The following TAOK2 variants were observed in gnomAD, a reference collection of about 807,000 sequenced individuals.
TAOK2 encodes serine/threonine-protein kinase TAO2.
TAOK2 carries 42 observed loss-of-function variants against 122.5 expected under a neutral mutation model. The ratio of observed to expected loss-of-function variants is 0.34; its 90% CI spans 0.27 to 0.44. The LOEUF is 0.44. Among genes scored for constraint, TAOK2 ranks in the 20% least tolerant of loss-of-function variants. TAOK2 has a pLI of 1.00. For synonymous variants in TAOK2, 704 were observed against 677.6 expected, an observed-to-expected ratio of 1.04 and a Z score of -0.61; for missense variants, 1,264 against 1,644.9, an observed-to-expected ratio of 0.77 and a Z score of 4.01.
In TAOK2 at chr16:29,978,147, A is replaced by G; in HGVS notation, c.191A>G (p.Lys64Arg). 2 of 1,614,142 alleles carry G rather than the reference A, an allele frequency of 1.2e-6. No individual in the cohort carries two copies. Among genetic ancestry groups the G allele is most frequent in the Middle Eastern group, 1.6e-4 (1 of 6,062 alleles). The change falls in exon 3 of 16, where the codon AAG becomes AGG. Residue 64 changes from lysine to arginine, a missense_variant. Coordinates refer to ENST00000308893, the MANE Select transcript of TAOK2 (RefSeq NM_016151.4). ...VAIKKMSYSG[K>R]QSNEKWQDII... ...ATCAAGAAGATGTCCTACAGTGGGAAGCAGTCCAATGAGGTGGGCCAGGTG... is the reference window on the plus strand; with the variant it reads ...ATCAAGAAGATGTCCTACAGTGGGAGGCAGTCCAATGAGGTGGGCCAGGTG...
At position 29,986,626 on chromosome 16, in the gene TAOK2, A is replaced by T; in HGVS notation, c.2354A>T (p.Asp785Val). 1 of 1,612,154 alleles carries T rather than the reference A, an allele frequency of 6.2e-7. No homozygotes were observed. Among genetic ancestry groups the T allele is most frequent in the South Asian group, 1.1e-5 (1 of 90,830 alleles). Reference protein sequence around the residue: ...PCSPGQEAVLDQRMLGEEEEA... With the variant: ...PCSPGQEAVLVQRMLGEEEEA... ...TCACCTGGCCAGGAGGCAGTCCTGG[A>T]CCAAAGAATGCTTGGCGAGGAGGAG... Residue 785 changes from aspartate to valine, a missense_variant, in exon 16 of 16, where the codon GAC becomes GTC. This residue lies in a region of TAOK2 where 824 missense variants were observed against 908.7 expected (regional missense o/e 0.91). Transcript: ENST00000308893. The surrounding 1 kb of genome is among the most constrained non-coding windows in gnomAD (Gnocchi z 4.2).
chr16:29,979,025 C>T lies in TAOK2; in HGVS notation c.404C>T (p.Ala135Val). Residue 135 changes from alanine (A) to valine (V), a missense_variant, in exon 6 of 16, where the codon GCG becomes GTG. Ala to Val is a moderately conservative substitution (Grantham distance 64). This residue lies in a region of TAOK2 where 254 missense variants were observed against 503.8 expected (regional missense o/e 0.50). Coordinates refer to ENST00000308893, the MANE Select transcript of TAOK2 (RefSeq NM_016151.4). This position sits in a 1 kb window ranked among gnomAD's most constrained non-coding sequence, Gnocchi z 4.1. ...GAGATCGCAGCTGTGACCCACGGGG[C>T]GCTTCAGGGCCTGGCATATCTGCAC... The part of the protein sequence containing the change: ...EVEIAAVTHG[A>V]LQGLAYLHSH... 1.2e-6 allele frequency: 2 copies of T among 1,614,150 alleles called. No individual in the cohort carries two copies. The highest frequency in any genetic ancestry group is 1.7e-6 in the Non-Finnish European group (2 of 1,180,032).
At chr16:29,975,888 G>C (rs1222171806) in intron 1 of TAOK2, among the ~76,000 whole-genome samples, 2 of 152,176 alleles carry the variant, frequency 1.3e-5, no homozygotes, top group Non-Finnish European at 2.9e-5. Context: ...CTGAAGAGAA[G>C]ACCAAGAACT....
chr16:29,988,014 A>G lies in TAOK2; in HGVS notation c.*34A>G. The G allele has an allele frequency of 1.3e-6, 2 of 1,504,116 alleles. No homozygotes were observed. Among genetic ancestry groups the G allele is most frequent in the Non-Finnish European group, 8.8e-7 (1 of 1,135,512 alleles). 93.2% of individuals were successfully genotyped at this position (1,504,116 alleles called of 1,614,324 possible). A position where few individuals can be genotyped will look rare whatever the true frequency, so the allele number is the denominator to read the frequency against. The stretch of plus-strand genomic sequence containing the variant: ...AGCCCTTCCAGCCCAAATCTAGAGC[A>G]TTGAGCACTTTATCTCCCACGACTC... On this transcript the variant is annotated 3_prime_UTR_variant, in exon 16 of 16. Coordinates refer to ENST00000308893, the MANE Select transcript of TAOK2 (RefSeq NM_016151.4).
intron 5 of TAOK2, 24 bp from the exon 6 acceptor site, chr16:29,978,950 T>C (rs1203713601): frequency 6.2e-7 from 1 of 1,614,036 alleles, no homozygotes; most frequent in Non-Finnish European, 8.5e-7. Context: ...CTCCCTCGGG[T>C]TGATGTTCTT....
chr16:29,989,994 C>G (rs1014639546), downstream of TAOK2: 3 of 615,280 alleles, frequency 4.9e-6, no homozygotes, highest in Admixed American at 6.0e-5. Context: ...TATTCTTTCT[C>G]TTAGTATTTT....
chr16:29,988,331 C>T lies in TAOK2; in HGVS notation c.*351C>T, dbSNP rs1309278158. The T allele has an allele frequency of 2.1e-6, 3 of 1,408,976 alleles. No individual in the cohort carries two copies. The highest frequency in any genetic ancestry group is 2.9e-5 in the African/African-American group (2 of 69,802). 87.3% of individuals were successfully genotyped at this position (1,408,976 alleles called of 1,614,324 possible). ...TTTTGTTTTTCTGTCTCCCTTCCAA[C>T]CTGTCCCCTTCCCCCCACCAAAAAA... is the stretch of plus-strand genomic sequence containing the variant. On this transcript the variant is annotated 3_prime_UTR_variant, in exon 16 of 16. Transcript: ENST00000308893.
chr16:29,991,442 G>A, downstream of TAOK2: 1 of 1,513,936 alleles, frequency 6.6e-7, no homozygotes, highest in Non-Finnish European at 8.9e-7. This position sits in a 1 kb window ranked among gnomAD's most constrained non-coding sequence, Gnocchi z 5.6. Context: ...CCCTGCGGCG[G>A]GCAGCCTCGG....
chr16:29,985,272 C>G lies in TAOK2; in HGVS notation c.1482C>G (p.Gly494=). 1.9e-6 allele frequency: 3 copies of G among 1,586,618 alleles called. No homozygotes were observed. The highest frequency in any genetic ancestry group is 2.6e-6 in the Non-Finnish European group (3 of 1,165,290). The part of the protein sequence containing the change: ...QDSALREQLS[G]YKRMRRQHQK... ...CTGCGCTGCGGGAGCAGCTGAGCGGCTATAAGCGGATGCGACGACAGCACC... is the reference window on the plus strand; with the variant it reads ...CTGCGCTGCGGGAGCAGCTGAGCGGGTATAAGCGGATGCGACGACAGCACC... Residue 494 remains glycine (G), a synonymous_variant, in exon 14 of 16, where the codon GGC becomes GGG. Coordinates refer to ENST00000308893, the MANE Select transcript of TAOK2 (RefSeq NM_016151.4). This position sits in a 1 kb window ranked among gnomAD's most constrained non-coding sequence, Gnocchi z 6.9.
At chr16:29,989,782 T>C (rs2069924458), downstream of TAOK2, 1 of 1,613,632 alleles carries the variant, frequency 6.2e-7, no homozygotes, top group Admixed American at 1.7e-5. Flanking sequence ...CCAGTCCATC[T>C]CAGAGATGCT....
At chr16:29,983,740 C>G (rs544654643) in intron 13 of TAOK2, 76 bp downstream of exon 13, 2 of 1,539,254 alleles carry the variant, frequency 1.3e-6, no homozygotes, top group East Asian at 2.3e-5. Flanking sequence ...ATGATTTCCT[C>G]CCTGTGGCAT....
At position 29,987,595 on chromosome 16, in the gene TAOK2, A is replaced by AC. The variant is rs749158364; in HGVS notation, c.3325dup (p.Arg1109ProfsTer28). 1 of 1,611,880 alleles carries AC rather than the reference A, an allele frequency of 6.2e-7. No homozygotes were observed. The highest frequency in any genetic ancestry group is 8.5e-7 in the Non-Finnish European group (1 of 1,178,786). ...CTGCAGGGCTGTGGGGCTGTGGGGG[A>AC]CCGGGGTCTGTTTGCACTGTACCCC... On this transcript the variant is annotated frameshift_variant, in exon 16 of 16. Transcript: ENST00000308893. LOFTEE classifies it high-confidence loss of function.
chr16:29,991,696 C>G (rs1374045331), downstream of TAOK2: 7 of 1,196,542 alleles, frequency 5.9e-6, no homozygotes, highest in Non-Finnish European at 6.5e-6. This position sits in a 1 kb window ranked among gnomAD's most constrained non-coding sequence, Gnocchi z 5.6. Flanking sequence ...CCCCTCAGAC[C>G]TCCTCATCTC....
rs745755045 is a variant in TAOK2, at chr16:29,983,075, G to T, written c.1003G>T (p.Ala335Ser). Residue 335 changes from alanine (A) to serine (S), a missense_variant, in exon 12 of 16, where the codon GCC becomes TCC. Ala to Ser is a moderately conservative substitution (Grantham distance 99, BLOSUM62 1). Transcript: ENST00000308893. ...GAEAPEEEEE[A>S]EPYMHRAGTL... ...GCAGCCTACGCCCTGTTCGCAGGAG[G>T]CCGAGCCCTACATGCACCGGGCCGG... is the stretch of plus-strand genomic sequence containing the variant. 6.2e-7 allele frequency: 1 copy of T among 1,613,816 alleles called. No individual in the cohort carries two copies. Among genetic ancestry groups the T allele is most frequent in the Non-Finnish European group, 8.5e-7 (1 of 1,179,994 alleles).
At position 29,977,814 on chromosome 16, in the gene TAOK2, T is replaced by C; in HGVS notation, c.42T>C (p.Asp14=). The change falls in exon 2 of 16, where the codon GAT becomes GAC. Residue 14 remains aspartate, a synonymous_variant. Transcript: ENST00000308893. ...GGGCCGGGAGCCTGAAGGACCCAGA[T>C]GTGGCTGAGCTCTTCTTCAAGGATG... ...GGRAGSLKDP[D]VAELFFKDDP... The C allele has an allele frequency of 6.2e-7, 1 of 1,614,112 alleles. No homozygotes were observed. Among genetic ancestry groups the C allele is most frequent in the Non-Finnish European group, 8.5e-7 (1 of 1,179,988 alleles).
chr16:29,978,809 A>T lies in TAOK2; in HGVS notation c.317A>T (p.Glu106Val). The T allele has an allele frequency of 6.2e-7, 1 of 1,614,052 alleles. No individual in the cohort carries two copies. The highest frequency in any genetic ancestry group is 8.5e-7 in the Non-Finnish European group (1 of 1,180,002). Residue 106 changes from glutamate (E) to valine (V), a missense_variant, in exon 5 of 16, where the codon GAG becomes GTG. Physicochemically the swap from Glu to Val is moderately radical, Grantham distance 121. Transcript: ENST00000308893. ...LREHTAWLVMEYCLGSASDLL... is the reference protein window; with the variant it reads ...LREHTAWLVMVYCLGSASDLL... ...TTGTCTCTTCCTTAGCTGGTAATGG[A>T]GTATTGCCTGGGCTCAGCTTCTGAC... is the stretch of plus-strand genomic sequence containing the variant.
rs762063332 is a variant in TAOK2, at chr16:29,974,199, C to T, written c.-485C>T. 1 of 152,394 alleles carries T rather than the reference C, an allele frequency of 6.6e-6. No homozygotes were observed. The highest frequency in any genetic ancestry group is 1.5e-5 in the Non-Finnish European group (1 of 68,110). The allele number at this position is 152,394 out of a possible 1,614,324, so 9.4% of individuals were successfully genotyped here. A position where few individuals can be genotyped will look rare whatever the true frequency, so the allele number is the denominator to read the frequency against. ...CCAGGCTTTGCCCCTCCTCCTTTCT[C>T]AGATACCCGGGTAACAGTCCTCATA... On this transcript the variant is annotated 5_prime_UTR_variant, in exon 1 of 16. Transcript: ENST00000308893.
chr16:29,981,283 T>A, intron 8 of TAOK2: 1 of 525,122 alleles, frequency 1.9e-6, no homozygotes, highest in Non-Finnish European at 3.4e-6. Flanking sequence ...TCTTTTAGAC[T>A]GGAGGTTCCT....
downstream of TAOK2, chr16:29,991,423 GC>G: frequency 1.3e-6 from 2 of 1,530,390 alleles, no homozygotes; most frequent in Non-Finnish European, 8.8e-7. This position sits in a 1 kb window ranked among gnomAD's most constrained non-coding sequence, Gnocchi z 5.6. Context: ...CTAAGAAACA[GC>G]CCCCAGCCCC....
Sources: allele counts gnomAD v4.1 joint callset (sites outside exome capture counted in the v4.1 genomes callset), GRCh38; gene constraint gnomAD v4.1.1; regional missense constraint gnomAD v4.1.1; non-coding constraint Gnocchi (gnomAD v3.1); transcripts MANE v1.5; gene names NCBI Gene and HGNC (gene_info 2026-07-23, HGNC 2026-07-21).